TSPAN18: variants seen among roughly 807,000 people sequenced by gnomAD.
TSPAN18 encodes tetraspanin 18.
TSPAN18 carries 14 observed loss-of-function variants against 27.3 expected under a neutral mutation model. The observed-to-expected ratio is 0.51, with a 90% confidence interval of 0.34 to 0.80. TSPAN18 has a LOEUF of 0.80. Ranked by LOEUF, TSPAN18 falls within the 30% of genes least tolerant of loss-of-function variation. The pLI, the probability that TSPAN18 is intolerant of heterozygous loss-of-function variation, is 0.01. For missense variants in TSPAN18, 268 were observed against 323.9 expected (o/e 0.83, Z 1.32); for synonymous variants, 143 against 136.5 (o/e 1.05, Z -0.33).
chr11:44,739,175 C>A (rs1360813879), intron 1 of TSPAN18, among the ~76,000 whole-genome samples: 1 of 152,184 alleles, frequency 6.6e-6, no homozygotes, highest in Non-Finnish European at 1.5e-5. Context: ...GGGACCTTTA[C>A]TTCTGCACCT....
chr11:44,919,410 C>A, intron 7 of TSPAN18, 98 bp downstream of exon 7: 1 of 1,044,160 alleles, frequency 9.6e-7, no homozygotes, highest in Non-Finnish European at 1.5e-6. Flanking sequence ...AGGCACTCTC[C>A]CATTGATCAC....
chr11:44,785,191 C>T (rs933156906), intron 2 of TSPAN18, among the ~76,000 whole-genome samples: 1 of 152,068 alleles, frequency 6.6e-6, no homozygotes, highest in Non-Finnish European at 1.5e-5. Context: ...TGGATTATAA[C>T]AATACACTGA....
intron 2 of TSPAN18, among the ~76,000 whole-genome samples, chr11:44,783,555 C>T (rs1014190369): frequency 5.3e-5 from 8 of 151,960 alleles, no homozygotes; most frequent in African/African-American, 1.5e-4. Context: ...CGTACCACCA[C>T]GCCCGGCTAA....
intron 2 of TSPAN18, among the ~76,000 whole-genome samples, chr11:44,843,517 A>G (rs1267647747): frequency 1.3e-5 from 2 of 152,232 alleles, no homozygotes; most frequent in African/African-American, 4.8e-5. Context: ...CATTGATACC[A>G]TCTTATCAGA....
At chr11:44,790,827 A>G (rs570134157) in intron 2 of TSPAN18, among the ~76,000 whole-genome samples, 2 of 152,264 alleles carry the variant, frequency 1.3e-5, no homozygotes, top group Admixed American at 1.3e-4. Flanking sequence ...AGAGTCGGAG[A>G]ACAGGTCCAT....
intron 3 of TSPAN18, among the ~76,000 whole-genome samples, chr11:44,888,782 G>C (rs929824584): frequency 6.6e-6 from 1 of 152,186 alleles, no homozygotes; most frequent in African/African-American, 2.4e-5. Flanking sequence ...CCCTGTCCAG[G>C]ATTTGAATTC....
intron 2 of TSPAN18, among the ~76,000 whole-genome samples, chr11:44,793,624 G>C (rs1468734820): frequency 6.6e-6 from 1 of 152,226 alleles, no homozygotes; most frequent in Non-Finnish European, 1.5e-5. Flanking sequence ...GCTGGTGAGA[G>C]TCACCACGTT....
intron 3 of TSPAN18, among the ~76,000 whole-genome samples, chr11:44,895,376 A>G (rs1859004585): frequency 6.6e-6 from 1 of 152,198 alleles, no homozygotes; most frequent in African/African-American, 2.4e-5. Flanking sequence ...TCATCATCAC[A>G]GTTTTCCAAG....
At chr11:44,786,758 A>T (rs1856068822) in intron 2 of TSPAN18, among the ~76,000 whole-genome samples, 1 of 150,226 alleles carries the variant, frequency 6.7e-6, no homozygotes, top group South Asian at 2.1e-4. Flanking sequence ...CAGCCTCCTG[A>T]GTAGCTGGGA....
intron 2 of TSPAN18, among the ~76,000 whole-genome samples, chr11:44,824,100 C>T (rs1192593385): frequency 2.0e-5 from 3 of 152,158 alleles, no homozygotes; most frequent in Non-Finnish European, 4.4e-5. Flanking sequence ...AAGCCTGCCT[C>T]GCTACCATCA....
chr11:44,820,957 C>T (rs576975366), intron 2 of TSPAN18, among the ~76,000 whole-genome samples: 1 of 152,276 alleles, frequency 6.6e-6, no homozygotes, highest in South Asian at 2.1e-4. Flanking sequence ...CTGTGCCATG[C>T]TTGTACAGCC....
chr11:44,805,064 G>T (rs1204385029), intron 2 of TSPAN18, among the ~76,000 whole-genome samples: 1 of 152,224 alleles, frequency 6.6e-6, no homozygotes, highest in Non-Finnish European at 1.5e-5. Flanking sequence ...AGGAGTGACT[G>T]GCTACCTTGT....
At chr11:44,753,672 T>C (rs1565134251) in intron 1 of TSPAN18, among the ~76,000 whole-genome samples, 1 of 152,220 alleles carries the variant, frequency 6.6e-6, no homozygotes. Flanking sequence ...CAAGCATCTA[T>C]TATGTGAGCA....
intron 5 of TSPAN18, among the ~76,000 whole-genome samples, chr11:44,913,259 C>T (rs1383180807): frequency 1.3e-5 from 2 of 152,204 alleles, no homozygotes; most frequent in African/African-American, 2.4e-5. Flanking sequence ...TGAGATGGGG[C>T]TGACTGTCCC....
At position 44,931,959 on chromosome 11, in the gene TSPAN18, G is replaced by A. The variant is rs1332198904; in HGVS notation, c.*2781G>A. Reference sequence around the variant, plus strand: ...GCTCATCACAAACCCTGCCTGTATCGAAAGCCACTTTCCTGCTCTGAAGCT... The same window carrying A: ...GCTCATCACAAACCCTGCCTGTATCAAAAGCCACTTTCCTGCTCTGAAGCT... On this transcript the variant is annotated 3_prime_UTR_variant, in exon 10 of 10. Transcript: ENST00000520358. 2 of 152,380 alleles carry A rather than the reference G, an allele frequency of 1.3e-5. No homozygotes were observed. The highest frequency in any genetic ancestry group is 2.1e-4 in the South Asian group (1 of 4,826). 9.4% of individuals were successfully genotyped at this position (152,380 alleles called of 1,614,324 possible).
At chr11:44,836,517 C>T in intron 2 of TSPAN18, among the ~76,000 whole-genome samples, 1 of 152,304 alleles carries the variant, frequency 6.6e-6, no homozygotes, top group African/African-American at 2.4e-5. Context: ...GATGGAGAAG[C>T]TGCAGCAAGT....
upstream of TSPAN18, chr11:44,726,906 G>GGGGAGGGGGAGGGAGGGCGC (rs1854522095): frequency 7.6e-6 from 1 of 131,882 alleles, no homozygotes; most frequent in African/African-American, 2.6e-5. Flanking sequence ...AGGGAGGGCG[G>GGGGAGGGGGAGGGAGGGCGC]GGGAGGGGAG....
chr11:44,836,949 C>T (rs1242701594), intron 2 of TSPAN18, among the ~76,000 whole-genome samples: 2 of 152,180 alleles, frequency 1.3e-5, no homozygotes, highest in Admixed American at 6.5e-5. Flanking sequence ...TGACAGTGCA[C>T]GTGGTCATCC....
At chr11:44,819,301 A>T (rs1856878396) in intron 2 of TSPAN18, among the ~76,000 whole-genome samples, 1 of 152,112 alleles carries the variant, frequency 6.6e-6, no homozygotes, top group Admixed American at 6.5e-5. Flanking sequence ...GCCGGTAATT[A>T]TAGGGACTGG....
Sources: gnomAD v4.1 joint callset for allele counts (sites outside exome capture counted in the v4.1 genomes callset) on GRCh38, gnomAD v4.1.1 for gene constraint, MANE v1.5 for transcripts, NCBI Gene and HGNC (gene_info 2026-07-23, HGNC 2026-07-21) for gene names.